Variants in ADARB2 observed in about 807,000 individuals in gnomAD.
The protein encoded by ADARB2 is inactive double-stranded RNA-specific editase B2.
ADARB2 carries 25 observed loss-of-function variants against 62.2 expected under a neutral mutation model. The observed-to-expected ratio is 0.40, with a 90% CI of 0.29 to 0.56. ADARB2 has a LOEUF of 0.56. ADARB2 is among the 20% of genes least tolerant of loss of function. ADARB2 has a pLI of 0.43. For missense variants in ADARB2, 1,071 were observed against 1,077.4 expected (o/e 0.99, Z 0.08); for synonymous variants, 572 against 500.8 (o/e 1.14, Z -1.90).
intron 1 of ADARB2, among the ~76,000 whole-genome samples, chr10:1,667,023 T>C (rs887720102): frequency 6.6e-6 from 1 of 152,246 alleles, no homozygotes; most frequent in African/African-American, 2.4e-5. Context: ...TAAGTTATTG[T>C]TATGTAATTA....
In ADARB2 at chr10:1,218,270, C is replaced by T. The variant is rs372116105; in HGVS notation, c.1514-1151G>A. On this transcript the variant is annotated intron_variant, in intron 6 of 9. Coordinates refer to ENST00000381312, the MANE Select transcript of ADARB2 (RefSeq NM_018702.4). ...TTCGCCATGTTGGCTAGGCTGGTCT[C>T]GAACTCCTGACCTCAGGTGATCCGC... 2.8e-4 allele frequency among the ~76,000 whole-genome samples: 43 copies of T among 152,170 alleles called. No individual in the cohort carries two copies. The East Asian group carries it at 6.4e-3, about 23-fold the overall frequency.
rs780489059 is a variant in ADARB2, at chr10:1,286,281, C to T, written c.1078-15212G>A. Among the ~76,000 whole-genome samples the T allele has an allele frequency of 5.3e-5, 8 of 152,262 alleles. No individual in the cohort carries two copies. In the South Asian group the frequency reaches 8.3e-4, roughly 16 times the overall value. ...CCAGCCAAACACAAACCGAAGCCTC[C>T]GGGATAATCAGAGAAAATGGAAGAT... On this transcript the variant is annotated intron_variant, in intron 3 of 9. Coordinates refer to ENST00000381312, the MANE Select transcript of ADARB2 (RefSeq NM_018702.4).
At chr10:1,452,815 G>GA (rs35340340) in intron 1 of ADARB2, among the ~76,000 whole-genome samples, 116,424 of 151,708 alleles carry the variant, frequency 0.77, 45,604 homozygotes, top group Middle Eastern at 0.86. Context: ...AAGAAGACAT[G>GA]AAAAAAAACC....
chr10:1,666,354 T>C (rs150668683), intron 1 of ADARB2, among the ~76,000 whole-genome samples: 3 of 152,228 alleles, frequency 2.0e-5, no homozygotes, highest in African/African-American at 7.2e-5. Flanking sequence ...GCAGCTCATC[T>C]GCGAGTCGGA....
At chr10:1,450,783 C>A (rs1189811002) in intron 1 of ADARB2, among the ~76,000 whole-genome samples, 1 of 152,160 alleles carries the variant, frequency 6.6e-6, no homozygotes, top group African/African-American at 2.4e-5. Flanking sequence ...GCTGCAGGAG[C>A]ATGCCTTGGT....
intron 1 of ADARB2, among the ~76,000 whole-genome samples, chr10:1,684,001 A>G (rs764794295): frequency 3.9e-5 from 6 of 152,214 alleles, no homozygotes; most frequent in African/African-American, 4.8e-5. Flanking sequence ...ATCCCACACT[A>G]GTGTGGATGC....
intron 1 of ADARB2, among the ~76,000 whole-genome samples, chr10:1,658,330 T>C: frequency 6.6e-6 from 1 of 152,070 alleles, no homozygotes; most frequent in East Asian, 1.9e-4. Flanking sequence ...TCTGTCTCTC[T>C]CTGTCTCTAT....
intron 8 of ADARB2, among the ~76,000 whole-genome samples, chr10:1,194,255 A>C (rs1201157435): frequency 6.6e-6 from 1 of 152,232 alleles, no homozygotes; most frequent in Non-Finnish European, 1.5e-5. Context: ...TATGCTCTGC[A>C]ACATGGCTGG....
At chr10:1,327,217 TTCAGC>T (rs1831869685) in intron 3 of ADARB2, among the ~76,000 whole-genome samples, 1 of 37,774 alleles carries the variant, frequency 2.6e-5, no homozygotes. Context: ...CTCCTCACAG[TTCAGC>T]GCCTCCCCAC....
In ADARB2 at chr10:1,462,214, C is replaced by T. The variant is rs74599310; in HGVS notation, c.101-83054G>A. Among the ~76,000 whole-genome samples, 1,442 of 152,158 alleles carry T rather than the reference C, an allele frequency of 9.5e-3. 17 individuals are homozygous for T. The highest frequency in any genetic ancestry group is 0.029 in the East Asian group (151 of 5,168). On this transcript the variant is annotated intron_variant, in intron 1 of 9. Coordinates refer to ENST00000381312, the MANE Select transcript of ADARB2 (RefSeq NM_018702.4). ...AGCAACCCTCAGCCAGAGCCTGCCT[C>T]GGCCACAGCTCAGGGCTCTGCCAGC...
At chr10:1,697,602 T>A (rs1432797817) in intron 1 of ADARB2, among the ~76,000 whole-genome samples, 1 of 152,212 alleles carries the variant, frequency 6.6e-6, no homozygotes, top group Non-Finnish European at 1.5e-5. Flanking sequence ...TCTTCTCTAA[T>A]GAGAAATTGG....
chr10:1,260,995 G>A (rs1490835112), intron 4 of ADARB2, among the ~76,000 whole-genome samples: 4 of 83,076 alleles, frequency 4.8e-5, no homozygotes, highest in Non-Finnish European at 7.3e-5. Context: ...CAGAAATAAC[G>A]CCGCATATCT....
At chr10:1,536,564 G>A (rs567911673) in intron 1 of ADARB2, among the ~76,000 whole-genome samples, 3 of 152,282 alleles carry the variant, frequency 2.0e-5, no homozygotes, top group East Asian at 3.9e-4. Context: ...GGCACCGGAC[G>A]GTGGCCGCCT....
At chr10:1,186,503 C>A (rs1384046169) in intron 8 of ADARB2, 3 of 518,976 alleles carry the variant, frequency 5.8e-6, no homozygotes, top group African/African-American at 1.9e-5. Flanking sequence ...TGGCCTCTAC[C>A]TGACGCGTTC....
At position 1,615,878 on chromosome 10, in the gene ADARB2, G is replaced by A. The variant is rs375235167; in HGVS notation, c.100+121173C>T. On this transcript the variant is annotated intron_variant, in intron 1 of 9. Coordinates refer to ENST00000381312, the MANE Select transcript of ADARB2 (RefSeq NM_018702.4). ...GGCAGCAACACTGTGTTGTAAACAC[G>A]CCGAATTCACCAGCCTATGATGTTC... 6.8e-4 allele frequency among the ~76,000 whole-genome samples: 104 copies of A among 152,302 alleles called. No individual in the cohort carries two copies. In the South Asian group the frequency reaches 0.019, roughly 28 times the overall value.
chr10:1,262,700 A>G (rs1204928689), intron 4 of ADARB2, among the ~76,000 whole-genome samples: 1 of 152,220 alleles, frequency 6.6e-6, no homozygotes, highest in African/African-American at 2.4e-5. Flanking sequence ...AAACTAGTTC[A>G]ACCATTGTGG....
chr10:1,243,927 G>C (rs1473706122), intron 4 of ADARB2, among the ~76,000 whole-genome samples: 1 of 152,176 alleles, frequency 6.6e-6, no homozygotes, highest in Non-Finnish European at 1.5e-5. Flanking sequence ...GACTGCTCCT[G>C]AGCTCAGGAA....
chr10:1,470,938 A>G (rs1831313819), intron 1 of ADARB2, among the ~76,000 whole-genome samples: 1 of 152,168 alleles, frequency 6.6e-6, no homozygotes, highest in Admixed American at 6.5e-5. Context: ...AGGTGCCTGT[A>G]GTCTCAGCTA....
chr10:1,608,067 A>G (rs1183150260), intron 1 of ADARB2, among the ~76,000 whole-genome samples: 1 of 152,230 alleles, frequency 6.6e-6, no homozygotes, highest in African/African-American at 2.4e-5. Context: ...GGATTCTGAA[A>G]GAAGGGTAAA....
Sources: gnomAD v4.1 joint callset for allele counts (sites outside exome capture counted in the v4.1 genomes callset) on GRCh38, gnomAD v4.1.1 for gene constraint, MANE v1.5 for transcripts, NCBI Gene and HGNC (gene_info 2026-07-23, HGNC 2026-07-21) for gene names.